DPYD: variants seen among roughly 807,000 people sequenced by gnomAD.
DPYD encodes dihydropyrimidine dehydrogenase [NADP(+)].
Under a neutral mutation model 116.2 loss-of-function variants are expected in DPYD, and 109 were observed. That is an observed-to-expected ratio of 0.94 (90% CI 0.80 to 1.10). DPYD has a LOEUF of 1.10. DPYD is among the 50% of genes least tolerant of loss of function. The probability of loss-of-function intolerance (pLI) is 0.00; values close to 1 mark genes in which losing one functional copy is unlikely to be tolerated. For missense variants in DPYD, 1,302 were observed against 1,254.5 expected, an observed-to-expected ratio of 1.04 and a Z score of -0.57; for synonymous variants, 440 against 432.0, an observed-to-expected ratio of 1.02 and a Z score of -0.23.
Position 97,691,697 on chromosome 1 carries a change from T to TA in DPYD, c.762+19dup. On this transcript the variant is annotated intron_variant, in intron 7 of 22. Coordinates refer to ENST00000370192, the MANE Select transcript of DPYD (RefSeq NM_000110.4). ...CCTTTCTTTTTGAGCAGTACACAGA[T>TA]AGGTGTTTTTTTCATTTACCTTTAC... The TA allele has an allele frequency of 6.3e-7, 1 of 1,598,184 alleles. No homozygotes were observed. Among genetic ancestry groups the TA allele is most frequent in the African/African-American group, 1.3e-5 (1 of 74,706 alleles).
At chr1:97,654,935 G>A (rs756950040) in intron 8 of DPYD, among the ~76,000 whole-genome samples, 1 of 152,068 alleles carries the variant, frequency 6.6e-6, no homozygotes, top group Admixed American at 6.5e-5. Flanking sequence ...AGAACAAAGA[G>A]AAAAGGGTTT....
intron 18 of DPYD, among the ~76,000 whole-genome samples, chr1:97,240,766 T>C (rs1426562233): frequency 6.6e-6 from 1 of 151,872 alleles, no homozygotes; most frequent in Non-Finnish European, 1.5e-5. Context: ...AGGTGAGAGA[T>C]TGATTTTTAT....
chr1:97,757,754 G>A (rs1330487944), intron 3 of DPYD, among the ~76,000 whole-genome samples: 1 of 152,028 alleles, frequency 6.6e-6, no homozygotes, highest in African/African-American at 2.4e-5. Flanking sequence ...TATTTATGAT[G>A]CAAGTAACTA....
chr1:97,884,727 C>T lies in DPYD; in HGVS notation c.40-1353G>A, dbSNP rs140310784. Among the ~76,000 whole-genome samples the T allele has an allele frequency of 7.3e-3, 1,115 of 152,128 alleles. 6 individuals carry two copies. The highest frequency in any genetic ancestry group is 0.012 in the Non-Finnish European group (813 of 67,960). On this transcript the variant is annotated intron_variant, in intron 1 of 22. Transcript: ENST00000370192. ...ATTTCAGTCTAAACAGTAACTGCTG[C>T]TTTAAGAATTTTCTTCCCTTCTAAA...
chr1:97,541,050 T>C (rs1243071569), intron 12 of DPYD, among the ~76,000 whole-genome samples: 7 of 152,210 alleles, frequency 4.6e-5, no homozygotes, highest in Non-Finnish European at 8.8e-5. Context: ...GTTGGTTGCA[T>C]CTGACAGATT....
intron 2 of DPYD, among the ~76,000 whole-genome samples, chr1:97,861,542 G>A (rs1343724541): frequency 6.6e-6 from 1 of 151,826 alleles, no homozygotes; most frequent in South Asian, 2.1e-4. Flanking sequence ...TATATAATTT[G>A]TTATATAAAG....
At chr1:97,295,918 A>T (rs1421978944) in intron 18 of DPYD, 1 of 195,864 alleles carries the variant, frequency 5.1e-6, no homozygotes, top group Non-Finnish European at 9.3e-6. Context: ...ATATCCCACA[A>T]GTAAACTGAT....
At chr1:97,629,711 A>G (rs1156547337) in intron 8 of DPYD, among the ~76,000 whole-genome samples, 1 of 152,084 alleles carries the variant, frequency 6.6e-6, no homozygotes, top group Non-Finnish European at 1.5e-5. Context: ...ACAAAAATGC[A>G]TAAAATGCTA....
intron 14 of DPYD, among the ~76,000 whole-genome samples, chr1:97,384,025 C>T (rs533553976): frequency 3.9e-5 from 6 of 152,068 alleles, no homozygotes; most frequent in Non-Finnish European, 5.9e-5. Flanking sequence ...GGGAGGATCA[C>T]TTGAATCCAG....
intron 13 of DPYD, among the ~76,000 whole-genome samples, chr1:97,470,169 G>C (rs1308472177): frequency 6.6e-6 from 1 of 151,964 alleles, no homozygotes; most frequent in Non-Finnish European, 1.5e-5. Context: ...TGATATGATG[G>C]GGCAGTATGG....
At chr1:97,184,358 G>T (rs990317071) in intron 20 of DPYD, among the ~76,000 whole-genome samples, 2 of 152,044 alleles carry the variant, frequency 1.3e-5, no homozygotes, top group African/African-American at 4.8e-5. Context: ...TTCCACAATG[G>T]TTGAACTAAT....
intron 2 of DPYD, among the ~76,000 whole-genome samples, chr1:97,849,085 A>G (rs777141772): frequency 6.6e-6 from 1 of 152,220 alleles, no homozygotes; most frequent in Non-Finnish European, 1.5e-5. Context: ...TTAGCTCTAG[A>G]GCATTAGATA....
At chr1:97,603,132 G>A (rs1182877575) in intron 8 of DPYD, among the ~76,000 whole-genome samples, 1 of 151,904 alleles carries the variant, frequency 6.6e-6, no homozygotes, top group Non-Finnish European at 1.5e-5. Context: ...TGTGAAGTAA[G>A]GGTAAGCAAA....
chr1:97,797,028 C>T (rs539019299), intron 3 of DPYD: 1 of 152,272 alleles, frequency 6.6e-6, no homozygotes, highest in African/African-American at 2.4e-5. Flanking sequence ...TCTCTCTGTT[C>T]ACTGTCCATT....
chr1:97,720,904 A>G, intron 5 of DPYD: 1 of 1,609,952 alleles, frequency 6.2e-7, no homozygotes, highest in Non-Finnish European at 8.5e-7. Context: ...ATGATTCATT[A>G]AAGAGAAAGC....
At chr1:97,327,152 T>A (rs1293887577) in intron 16 of DPYD, among the ~76,000 whole-genome samples, 2 of 152,000 alleles carry the variant, frequency 1.3e-5, no homozygotes, top group African/African-American at 2.4e-5. Context: ...AAAACTAACA[T>A]ATATACCACA....
chr1:97,282,590 TA>T (rs1407556498), intron 18 of DPYD, among the ~76,000 whole-genome samples: 1 of 152,248 alleles, frequency 6.6e-6, no homozygotes, highest in East Asian at 1.9e-4. Flanking sequence ...TGCCAACATT[TA>T]TTTTAGGTTC....
intron 19 of DPYD, among the ~76,000 whole-genome samples, chr1:97,203,371 C>G (rs531166885): frequency 6.6e-6 from 1 of 151,514 alleles, no homozygotes; most frequent in Non-Finnish European, 1.5e-5. Context: ...CTTGATTTAT[C>G]ATATCATTCA....
chr1:97,585,855 T>A (rs2102228278), intron 10 of DPYD: 1 of 152,762 alleles, frequency 6.5e-6, no homozygotes, highest in African/African-American at 2.4e-5. Context: ...TGCCAGGCAG[T>A]GGCCAAAGGG....
Sources: allele counts gnomAD v4.1 joint callset (sites outside exome capture counted in the v4.1 genomes callset), GRCh38; gene constraint gnomAD v4.1.1; transcripts MANE v1.5; gene names NCBI Gene and HGNC (gene_info 2026-07-23, HGNC 2026-07-21).